ATG10: variants seen among roughly 807,000 people sequenced by gnomAD.
ATG10 encodes ubiquitin-like-conjugating enzyme ATG10.
A neutral mutation model predicts 32.1 loss-of-function variants in ATG10; 30 were observed. The observed-to-expected ratio is 0.94, with a 90% CI of 0.70 to 1.27. The LOEUF (loss-of-function observed/expected upper bound fraction) is 1.27, where lower values mean the gene tolerates loss of function less well. ATG10 is among the 50% of genes most tolerant of loss of function. The probability of loss-of-function intolerance (pLI) is 0.00; values close to 1 mark genes in which losing one functional copy is unlikely to be tolerated. For synonymous variants in ATG10, 87 were observed against 91.5 expected (o/e 0.95, Z 0.28); for missense variants, 233 against 262.3 (o/e 0.89, Z 0.77).
chr5:82,178,234 T>G (rs1490204149), intron 4 of ATG10, among the ~76,000 whole-genome samples: 1 of 152,160 alleles, frequency 6.6e-6, no homozygotes, highest in African/African-American at 2.4e-5. Flanking sequence ...TTTTATTTAT[T>G]TTGTAAAATT....
chr5:82,161,276 C>T (rs1581756234), intron 3 of ATG10, among the ~76,000 whole-genome samples: 1 of 152,052 alleles, frequency 6.6e-6, no homozygotes, highest in Non-Finnish European at 1.5e-5. Flanking sequence ...AGTAGCAGTC[C>T]TAATTAGAGG....
chr5:82,255,617 A>G lies in ATG10; in HGVS notation c.*1554A>G, dbSNP rs190923217. 3.3e-4 allele frequency: 50 copies of G among 152,276 alleles called. No homozygotes were observed. Among genetic ancestry groups the G allele is most frequent in the Non-Finnish European group, 1.0e-4 (7 of 68,032 alleles). The allele number at this position is 152,276 out of a possible 1,614,324, so 9.4% of individuals were successfully genotyped here. On this transcript the variant is annotated 3_prime_UTR_variant, in exon 8 of 8. Coordinates refer to ENST00000282185, the MANE Select transcript of ATG10 (RefSeq NM_031482.5). ...TCTGGAGAACCTCTGGTCTGGATAT[A>G]CCTTTATTGTGACATTGATTTGTAT...
chr5:82,042,813 G>A (rs1442084754), intron 2 of ATG10, among the ~76,000 whole-genome samples: 2 of 152,164 alleles, frequency 1.3e-5, no homozygotes, highest in East Asian at 3.9e-4. Context: ...GATGCAAGGG[G>A]TGGGCTCCCA....
chr5:82,176,886 A>G (rs1321188391), intron 4 of ATG10, among the ~76,000 whole-genome samples: 6 of 152,204 alleles, frequency 3.9e-5, no homozygotes, highest in African/African-American at 1.4e-4. Flanking sequence ...CTTATTGAAA[A>G]TGTATCAAAA....
chr5:82,024,553 G>A (rs1158761318), intron 2 of ATG10, among the ~76,000 whole-genome samples: 1 of 152,064 alleles, frequency 6.6e-6, no homozygotes, highest in Admixed American at 6.5e-5. Context: ...ATATGTCTAT[G>A]ACAGATTGGA....
At chr5:82,249,130 G>A (rs1182230602) in intron 5 of ATG10, among the ~76,000 whole-genome samples, 1 of 152,048 alleles carries the variant, frequency 6.6e-6, no homozygotes, top group Non-Finnish European at 1.5e-5. Flanking sequence ...GAGGAAAAAT[G>A]AATATTAAAA....
In ATG10 at chr5:82,127,813, C is replaced by T. The variant is rs192417385; in HGVS notation, c.217-36586C>T. Among the ~76,000 whole-genome samples, 628 of 152,066 alleles carry T rather than the reference C, an allele frequency of 4.1e-3. 6 individuals carry two copies. The highest frequency in any genetic ancestry group is 7.1e-3 in the Non-Finnish European group (485 of 67,962). Reference sequence around the variant, plus strand: ...CTATTAGGTCCACTTGGTCCAGAGCCGAGTTCAAGTCCTGAATATCCTTGC... The same window carrying T: ...CTATTAGGTCCACTTGGTCCAGAGCTGAGTTCAAGTCCTGAATATCCTTGC... On this transcript the variant is annotated intron_variant, in intron 3 of 7. Coordinates refer to ENST00000282185, the MANE Select transcript of ATG10 (RefSeq NM_031482.5).
chr5:81,981,584 T>C (rs1203522036), intron 1 of ATG10, among the ~76,000 whole-genome samples: 2 of 152,236 alleles, frequency 1.3e-5, no homozygotes, highest in Admixed American at 6.5e-5. Context: ...ATTCAGGAAA[T>C]TGCCTACTTT....
intron 3 of ATG10, among the ~76,000 whole-genome samples, chr5:82,137,756 C>T (rs974192069): frequency 2.0e-5 from 3 of 152,088 alleles, no homozygotes; most frequent in South Asian, 2.1e-4. Flanking sequence ...CTGGGAGATC[C>T]GCTTCTCTCT....
At chr5:82,011,867 G>T (rs1762136808) in intron 2 of ATG10, among the ~76,000 whole-genome samples, 1 of 152,136 alleles carries the variant, frequency 6.6e-6, no homozygotes, top group Non-Finnish European at 1.5e-5. Flanking sequence ...AGGCTGCCAG[G>T]GTTGTGTGTA....
intron 5 of ATG10, among the ~76,000 whole-genome samples, chr5:82,217,668 G>A (rs1334461165): frequency 6.6e-6 from 1 of 151,790 alleles, no homozygotes; most frequent in African/African-American, 2.4e-5. Context: ...TACATGCATT[G>A]TCTCATTTAA....
chr5:82,250,121 A>G (rs1747194971), intron 5 of ATG10, among the ~76,000 whole-genome samples: 1 of 152,140 alleles, frequency 6.6e-6, no homozygotes, highest in Non-Finnish European at 1.5e-5. Context: ...TTTAGACTAC[A>G]TTTATCTTTT....
chr5:82,225,180 T>C (rs897571503), intron 5 of ATG10, among the ~76,000 whole-genome samples: 1 of 152,196 alleles, frequency 6.6e-6, no homozygotes, highest in Non-Finnish European at 1.5e-5. Context: ...ATTTCAGAAA[T>C]AAGAGTCTCT....
At chr5:82,242,261 A>G (rs1240303928) in intron 5 of ATG10, among the ~76,000 whole-genome samples, 1 of 152,200 alleles carries the variant, frequency 6.6e-6, no homozygotes, top group Non-Finnish European at 1.5e-5. Flanking sequence ...TATTCTAAAA[A>G]GCACATAAAT....
At chr5:82,154,346 T>C (rs1431884282) in intron 3 of ATG10, among the ~76,000 whole-genome samples, 5 of 152,204 alleles carry the variant, frequency 3.3e-5, no homozygotes, top group Non-Finnish European at 7.3e-5. Context: ...AAGAAAATGT[T>C]TGGACACCTT....
At chr5:82,196,130 A>G (rs190257670) in intron 5 of ATG10, among the ~76,000 whole-genome samples, 6 of 152,318 alleles carry the variant, frequency 3.9e-5, no homozygotes, top group Admixed American at 3.9e-4. Context: ...GCACTTAGCT[A>G]ATGTCTAATG....
intron 2 of ATG10, among the ~76,000 whole-genome samples, chr5:82,025,912 G>A (rs1453887495): frequency 6.6e-6 from 1 of 151,622 alleles, no homozygotes; most frequent in Non-Finnish European, 1.5e-5. Flanking sequence ...TTAAGATTAT[G>A]GTAAAATATA....
intron 3 of ATG10, among the ~76,000 whole-genome samples, chr5:82,093,924 C>A (rs1247848642): frequency 6.6e-6 from 1 of 152,136 alleles, no homozygotes; most frequent in Non-Finnish European, 1.5e-5. Context: ...TGACTTACGA[C>A]TGGTGAGAAC....
chr5:82,236,714 T>G (rs570926403), intron 5 of ATG10, among the ~76,000 whole-genome samples: 1 of 152,332 alleles, frequency 6.6e-6, no homozygotes, highest in African/African-American at 2.4e-5. Context: ...GTTTGTTTGT[T>G]GTTGTTGTTT....
Sources: gnomAD v4.1 joint callset for allele counts (sites outside exome capture counted in the v4.1 genomes callset) on GRCh38, gnomAD v4.1.1 for gene constraint, MANE v1.5 for transcripts, NCBI Gene and HGNC (gene_info 2026-07-23, HGNC 2026-07-21) for gene names.